Variants in HMGN5 observed in about 807,000 individuals in gnomAD.
The protein encoded by HMGN5 is high mobility group nucleosome binding domain 5.
HMGN5 carries 4 observed loss-of-function variants against 9.5 expected under a neutral mutation model. The observed-to-expected ratio is 0.42, with a 90% CI of 0.21 to 0.96. The LOEUF (loss-of-function observed/expected upper bound fraction) is 0.96, where lower values mean the gene tolerates loss of function less well. HMGN5 is among the 40% of genes least tolerant of loss of function. HMGN5 has a pLI of 0.30. For synonymous variants in HMGN5, 55 were observed against 57.1 expected (o/e 0.96, Z 0.16); for missense variants, 192 against 187.5 (o/e 1.02, Z -0.14).
intron 1 of HMGN5, among the ~76,000 whole-genome samples, chrX:81,163,725 T>C (rs2075403774): frequency 9.0e-6 from 1 of 111,731 alleles, no homozygotes; most frequent in Non-Finnish European, 1.9e-5. Flanking sequence ...TCTATAGAAG[T>C]AACTTTTATG....
intron 1 of HMGN5, among the ~76,000 whole-genome samples, chrX:81,182,566 C>A (rs2075465904): frequency 8.9e-6 from 1 of 111,808 alleles, no homozygotes; most frequent in African/African-American, 3.3e-5. Context: ...CCACCCCAAG[C>A]TTCCTTGGTC....
At chrX:81,140,379 T>C (rs181474126) in intron 1 of HMGN5, among the ~76,000 whole-genome samples, 140 of 109,142 alleles carry the variant, frequency 1.3e-3, no homozygotes, top group South Asian at 3.6e-3. Flanking sequence ...GCTAACAAGG[T>C]GAAACCCCGT....
At chrX:81,172,574 AG>A (rs772592221) in intron 1 of HMGN5, among the ~76,000 whole-genome samples, 1 of 110,327 alleles carries the variant, frequency 9.1e-6, no homozygotes, top group Non-Finnish European at 1.9e-5. Context: ...AAACTATAAA[AG>A]AACAAGAAGG....
intron 1 of HMGN5, among the ~76,000 whole-genome samples, chrX:81,147,693 T>A (rs2075349129): frequency 8.9e-6 from 1 of 111,741 alleles, no homozygotes; most frequent in Admixed American, 9.6e-5. Flanking sequence ...AGTCAAATTG[T>A]CTCTGTTTGC....
At chrX:81,192,872 A>ATT (rs140567866) in intron 1 of HMGN5, among the ~76,000 whole-genome samples, 3 of 105,911 alleles carry the variant, frequency 2.8e-5, no homozygotes, top group African/African-American at 1.0e-4. Flanking sequence ...GTCAGCAATA[A>ATT]TTTTTTTTTT....
intron 1 of HMGN5, among the ~76,000 whole-genome samples, chrX:81,144,517 G>A (rs1226920664): frequency 8.9e-6 from 1 of 111,933 alleles, no homozygotes; most frequent in Non-Finnish European, 1.9e-5. Flanking sequence ...AAAGACCAAA[G>A]GTAGATAAAT....
At chrX:81,152,145 G>A (rs1191809526) in intron 1 of HMGN5, among the ~76,000 whole-genome samples, 2 of 111,528 alleles carry the variant, frequency 1.8e-5, no homozygotes, top group Admixed American at 9.5e-5. Context: ...TTCACAAATG[G>A]GATCTAATTA....
intron 1 of HMGN5, among the ~76,000 whole-genome samples, chrX:81,128,656 A>T (rs1422149054): frequency 9.0e-6 from 1 of 111,416 alleles, no homozygotes; most frequent in African/African-American, 3.3e-5. Flanking sequence ...CTGGAGATAA[A>T]AAAGGTAATA....
chrX:81,126,284 G>A (rs2075283268), intron 1 of HMGN5, among the ~76,000 whole-genome samples: 1 of 109,664 alleles, frequency 9.1e-6, no homozygotes, highest in Non-Finnish European at 1.9e-5. Flanking sequence ...TGGTAAACAC[G>A]AATTATGTTC....
chrX:81,130,397 CAGATG>C (rs1569342056), intron 1 of HMGN5, among the ~76,000 whole-genome samples: 2 of 111,635 alleles, frequency 1.8e-5, no homozygotes, highest in Admixed American at 9.6e-5. Flanking sequence ...CCTCAGTATA[CAGATG>C]ATAAAGCTAG....
intron 1 of HMGN5, among the ~76,000 whole-genome samples, chrX:81,163,376 G>C (rs1022174504): frequency 2.7e-4 from 30 of 112,141 alleles, no homozygotes; most frequent in African/African-American, 9.4e-4. Flanking sequence ...ATTGTTGTAT[G>C]CCACTAAGTT....
At chrX:81,145,151 A>G (rs1318104384) in intron 1 of HMGN5, among the ~76,000 whole-genome samples, 4 of 111,832 alleles carry the variant, frequency 3.6e-5, no homozygotes, top group Admixed American at 1.9e-4. Context: ...ACAGCGAACA[A>G]CACAAACATT....
chrX:81,153,127 C>T (rs1195772162), intron 1 of HMGN5, among the ~76,000 whole-genome samples: 2 of 106,481 alleles, frequency 1.9e-5, no homozygotes, highest in South Asian at 4.3e-4. Context: ...CACATGTACC[C>T]TAAAACTTAA....
Position 81,145,145 on chromosome X carries a change from C to T in HMGN5, c.-123-23473G>A, listed in dbSNP as rs190945499. 3.3e-3 allele frequency among the ~76,000 whole-genome samples: 363 copies of T among 111,495 alleles called. 1 individual carries two copies. The highest frequency in any genetic ancestry group is 0.011 in the African/African-American group (337 of 30,654). ...CAACATTCAAATTCAGGAAATACAG[C>T]GAACAACACAAACATTTTCCTCAAG... is the stretch of plus-strand genomic sequence containing the variant. On this transcript the variant is annotated intron_variant, in intron 1 of 6. Coordinates refer to ENST00000358130, the MANE Select transcript of HMGN5 (RefSeq NM_030763.3).
chrX:81,146,566 C>G (rs1167135804), intron 1 of HMGN5, among the ~76,000 whole-genome samples: 1 of 111,320 alleles, frequency 9.0e-6, no homozygotes, highest in African/African-American at 3.3e-5. Context: ...AAATCAACAC[C>G]CTAACATCAC....
At chrX:81,198,880 C>T (rs747964891) in intron 1 of HMGN5, among the ~76,000 whole-genome samples, 1 of 111,535 alleles carries the variant, frequency 9.0e-6, no homozygotes, top group Non-Finnish European at 1.9e-5. Flanking sequence ...CTGGCTAGGG[C>T]AATCAGGCAA....
intron 1 of HMGN5, among the ~76,000 whole-genome samples, chrX:81,195,752 C>T (rs533520298): frequency 1.8e-5 from 2 of 111,868 alleles, no homozygotes; most frequent in South Asian, 7.5e-4. Context: ...CTTATTTTTC[C>T]TTGAGACCAT....
intron 1 of HMGN5, among the ~76,000 whole-genome samples, chrX:81,145,778 A>G (rs1030416951): frequency 1.8e-5 from 2 of 111,662 alleles, no homozygotes; most frequent in Admixed American, 9.5e-5. Context: ...AAAGACAAAC[A>G]TAGGCTCAAA....
chrX:81,146,968 T>G (rs987701140), intron 1 of HMGN5, among the ~76,000 whole-genome samples: 1 of 111,639 alleles, frequency 9.0e-6, no homozygotes, highest in Non-Finnish European at 1.9e-5. Flanking sequence ...AATCCCTGAA[T>G]AGACCAATAA....
Sources: allele counts gnomAD v4.1 joint callset (sites outside exome capture counted in the v4.1 genomes callset), GRCh38; gene constraint gnomAD v4.1.1; transcripts MANE v1.5; gene names NCBI Gene and HGNC (gene_info 2026-07-23, HGNC 2026-07-21).